Variants in RORB observed in about 807,000 individuals in gnomAD.
The protein encoded by RORB is nuclear receptor ROR-beta.
A neutral mutation model predicts 59.1 loss-of-function variants in RORB; 6 were observed. The observed-to-expected ratio is 0.10, with a 90% CI of 0.06 to 0.20. RORB has a LOEUF of 0.20. RORB is among the 10% of genes least tolerant of loss of function. The probability of loss-of-function intolerance (pLI) is 1.00; values close to 1 mark genes in which losing one functional copy is unlikely to be tolerated. For missense variants in RORB, 320 were observed against 560.5 expected (o/e 0.57, Z 4.33); for synonymous variants, 215 against 204.5 (o/e 1.05, Z -0.44).
At chr9:74,647,478 A>G (rs1823918707) in intron 4 of RORB, among the ~76,000 whole-genome samples, 1 of 152,182 alleles carries the variant, frequency 6.6e-6, no homozygotes, top group African/African-American at 2.4e-5. Flanking sequence ...AAGGGTGTAC[A>G]TTGCCTTTTA....
chr9:74,520,227 G>A (rs962595053), intron 1 of RORB, among the ~76,000 whole-genome samples: 1 of 151,926 alleles, frequency 6.6e-6, no homozygotes, highest in African/African-American at 2.4e-5. Flanking sequence ...TCTTTCTCAT[G>A]TAATGCAGGC....
intron 6 of RORB, 33 bp from the exon 7 acceptor site, chr9:74,665,455 T>G: frequency 2.2e-6 from 3 of 1,348,854 alleles, no homozygotes; most frequent in Non-Finnish European, 1.0e-6. Context: ...TGTGTATTTT[T>G]ATTTTATTTT....
intron 1 of RORB, among the ~76,000 whole-genome samples, chr9:74,618,755 A>ATG (rs961332944): frequency 2.0e-5 from 3 of 151,546 alleles, no homozygotes; most frequent in Non-Finnish European, 2.9e-5. Context: ...GTGTGTGTAT[A>ATG]TGTGTGTGTG....
chr9:74,608,966 T>C (rs1823191050), intron 1 of RORB, among the ~76,000 whole-genome samples: 1 of 152,208 alleles, frequency 6.6e-6, no homozygotes, highest in Non-Finnish European at 1.5e-5. Flanking sequence ...AATGCTGTCA[T>C]GACTGAAGAA....
At chr9:74,518,711 T>C (rs556757389) in intron 1 of RORB, among the ~76,000 whole-genome samples, 2 of 152,082 alleles carry the variant, frequency 1.3e-5, no homozygotes, top group South Asian at 4.1e-4. Flanking sequence ...TTTTCGGTTA[T>C]TTTAGTTTTT....
At chr9:74,614,449 G>C (rs1282060937) in intron 1 of RORB, among the ~76,000 whole-genome samples, 1 of 151,964 alleles carries the variant, frequency 6.6e-6, no homozygotes, top group Non-Finnish European at 1.5e-5. Context: ...GTAGATTATA[G>C]TTGCTCTTGG....
chr9:74,642,296 G>A, intron 3 of RORB, 118 bp from the exon 4 acceptor site: 2 of 1,004,658 alleles, frequency 2.0e-6, no homozygotes, highest in South Asian at 1.6e-5. Context: ...AAGTTATGGT[G>A]CTAGACATTT....
At chr9:74,638,547 C>T (rs1325381633) in intron 3 of RORB, among the ~76,000 whole-genome samples, 2 of 134,608 alleles carry the variant, frequency 1.5e-5, no homozygotes, top group Non-Finnish European at 3.4e-5. Context: ...AACAGAATAA[C>T]TCAAGTTTGA....
intron 9 of RORB, among the ~76,000 whole-genome samples, chr9:74,685,009 G>A (rs1399084931): frequency 6.6e-6 from 1 of 152,118 alleles, no homozygotes; most frequent in Non-Finnish European, 1.5e-5. Context: ...CACTTTTGTA[G>A]GAATTACCTC....
At chr9:74,567,120 C>T (rs904071054) in intron 1 of RORB, among the ~76,000 whole-genome samples, 1 of 151,892 alleles carries the variant, frequency 6.6e-6, no homozygotes, top group Admixed American at 6.6e-5. Context: ...CTCTGCCTCC[C>T]GGGTTCAAGG....
At chr9:74,562,163 C>G (rs779460889) in intron 1 of RORB, among the ~76,000 whole-genome samples, 1 of 152,056 alleles carries the variant, frequency 6.6e-6, no homozygotes, top group Non-Finnish European at 1.5e-5. Context: ...ACCCTTGAAC[C>G]CTTGAAAACT....
intron 1 of RORB, among the ~76,000 whole-genome samples, chr9:74,598,797 T>C (rs563738520): frequency 1.3e-5 from 2 of 152,334 alleles, no homozygotes; most frequent in African/African-American, 2.4e-5. Flanking sequence ...AAGAGGTTTA[T>C]TTATTTCATG....
intron 9 of RORB, 51 bp from the exon 10 acceptor site, chr9:74,685,412 G>A: frequency 1.3e-6 from 2 of 1,483,114 alleles, no homozygotes; most frequent in Non-Finnish European, 1.8e-6. Context: ...CACAGACAGA[G>A]CACTAATGAG....
chr9:74,600,539 C>G (rs2118320285), intron 1 of RORB, among the ~76,000 whole-genome samples: 1 of 152,244 alleles, frequency 6.6e-6, no homozygotes, highest in Middle Eastern at 3.4e-3. Context: ...AGTCCATCAC[C>G]CACAATTGTC....
chr9:74,562,806 G>T (rs969556983), intron 1 of RORB, among the ~76,000 whole-genome samples: 1 of 152,094 alleles, frequency 6.6e-6, no homozygotes, highest in African/African-American at 2.4e-5. Context: ...CAGAAAAGTT[G>T]CAAGAACAGC....
At chr9:74,541,473 AG>A (rs1463667047) in intron 1 of RORB, among the ~76,000 whole-genome samples, 2 of 152,074 alleles carry the variant, frequency 1.3e-5, no homozygotes, top group Admixed American at 6.5e-5. Flanking sequence ...ATAGTACAAA[AG>A]AACAGCCCTC....
In RORB at chr9:74,687,889, C is replaced by T. The variant is rs918362390; in HGVS notation, c.*2271C>T. 4 of 152,160 alleles carry T rather than the reference C, an allele frequency of 2.6e-5. No individual in the cohort carries two copies. In the East Asian group the frequency reaches 5.8e-4, roughly 22 times the overall value. 9.4% of individuals were successfully genotyped at this position (152,160 alleles called of 1,614,324 possible). A position where few individuals can be genotyped will look rare whatever the true frequency, so the allele number is the denominator to read the frequency against. On this transcript the variant is annotated 3_prime_UTR_variant, in exon 10 of 10. Transcript: ENST00000376896. ...CTTCATGTGTCTACTTGGTGTTTCC[C>T]TTTGAGCTTTGAACTTATGTCAAAC...
chr9:74,599,553 T>C (rs1057411378), intron 1 of RORB, among the ~76,000 whole-genome samples: 1 of 152,200 alleles, frequency 6.6e-6, no homozygotes, highest in Non-Finnish European at 1.5e-5. Context: ...ATAACATTCA[T>C]TCTAGAGTTG....
intron 1 of RORB, among the ~76,000 whole-genome samples, chr9:74,593,197 T>A (rs1407014557): frequency 6.6e-6 from 1 of 152,120 alleles, no homozygotes; most frequent in Non-Finnish European, 1.5e-5. Flanking sequence ...CCGGGCGCGG[T>A]GGCACACACC....
Sources: allele counts gnomAD v4.1 joint callset (sites outside exome capture counted in the v4.1 genomes callset), GRCh38; gene constraint gnomAD v4.1.1; transcripts MANE v1.5; gene names NCBI Gene and HGNC (gene_info 2026-07-23, HGNC 2026-07-21).